SIDT2: variants seen among roughly 807,000 people sequenced by gnomAD.
SIDT2 encodes the protein SID1 transmembrane family member 2.
A neutral mutation model predicts 114.4 loss-of-function variants in SIDT2; 68 were observed. That is an observed-to-expected ratio of 0.59 (90% CI 0.49 to 0.73). The LOEUF is 0.73. SIDT2 is among the 30% of genes least tolerant of loss of function. The probability of loss-of-function intolerance (pLI) is 0.00; values close to 1 mark genes in which losing one functional copy is unlikely to be tolerated. For missense variants in SIDT2, 918 were observed against 1,097.1 expected (o/e 0.84, Z 2.31); for synonymous variants, 470 against 438.4 (o/e 1.07, Z -0.90).
Position 117,192,955 on chromosome 11 carries a change from C to G in SIDT2, c.2105+89C>G. On this transcript the variant is annotated intron_variant, in intron 22 of 25. Transcript: ENST00000324225. The surrounding 1 kb of genome is among the most constrained non-coding windows in gnomAD (Gnocchi z 5.9). ...CTGCCTTGGGGGCTAAGGACAACTTCCAAATGTTGGGCATAAGACATGGGG... is the reference window on the plus strand; with the variant it reads ...CTGCCTTGGGGGCTAAGGACAACTTGCAAATGTTGGGCATAAGACATGGGG... 6.5e-7 allele frequency: 1 copy of G among 1,544,078 alleles called. No individual in the cohort carries two copies. Among genetic ancestry groups the G allele is most frequent in the Non-Finnish European group, 9.0e-7 (1 of 1,116,408 alleles).
In SIDT2 at chr11:117,190,352, C is replaced by G. The variant is rs578026229; in HGVS notation, c.1617+63C>G. 97 of 1,517,350 alleles carry G rather than the reference C, an allele frequency of 6.4e-5. No individual in the cohort carries two copies. In the African/African-American group the frequency reaches 1.1e-3, roughly 18 times the overall value. 94.0% of individuals were successfully genotyped at this position (1,517,350 alleles called of 1,614,324 possible). A position where few individuals can be genotyped will look rare whatever the true frequency, so the allele number is the denominator to read the frequency against. ...CCAGCACAGACCTCAAGCCTTGGCTCCAGGACACCCTTTTGGGCAGGCCTG... is the reference window on the plus strand; with the variant it reads ...CCAGCACAGACCTCAAGCCTTGGCTGCAGGACACCCTTTTGGGCAGGCCTG... On this transcript the variant is annotated intron_variant, in intron 17 of 25. Coordinates refer to ENST00000324225, the MANE Select transcript of SIDT2 (RefSeq NM_001040455.2). The surrounding 1 kb of genome is among the most constrained non-coding windows in gnomAD (Gnocchi z 4.1).
Position 117,190,215 on chromosome 11 carries a change from CT to C in SIDT2, c.1547del (p.Phe516SerfsTer42). On this transcript the variant is annotated frameshift_variant, in exon 17 of 26. Coordinates refer to ENST00000324225, the MANE Select transcript of SIDT2 (RefSeq NM_001040455.2). LOFTEE classifies it high-confidence loss of function. The surrounding 1 kb of genome is among the most constrained non-coding windows in gnomAD (Gnocchi z 4.1). Reference protein sequence around the residue: ...SNLGYILLGLLFLLIILQREI... With the variant: ...SNLGYILLGLXFLLIILQREI... ...CCTGGGGTACATCCTGCTGGGGCTG[CT>C]TTTCCTGCTCATCATCCTGCAACGG... 6 of 1,581,504 alleles carry C rather than the reference CT, an allele frequency of 3.8e-6. No homozygotes were observed. Among genetic ancestry groups the C allele is most frequent in the Admixed American group, 3.6e-5 (2 of 55,802 alleles).
At chr11:117,186,312 G>C in intron 9 of SIDT2, 89 bp downstream of exon 9, 1 of 1,194,712 alleles carries the variant, frequency 8.4e-7, no homozygotes, top group Non-Finnish European at 1.2e-6. Flanking sequence ...AGCCAGCCTA[G>C]GGTAATCTAC....
rs749972217 is a variant in SIDT2, at chr11:117,192,423, C to T, written c.1981+61C>T. ...GTCTGGGGGGCCTTGGGAACCCGGACGCACGGGAGACGCTCAGGTTCTGTC... is the reference window on the plus strand; with the variant it reads ...GTCTGGGGGGCCTTGGGAACCCGGATGCACGGGAGACGCTCAGGTTCTGTC... On this transcript the variant is annotated intron_variant, in intron 20 of 25. Transcript: ENST00000324225. The surrounding 1 kb of genome is among the most constrained non-coding windows in gnomAD (Gnocchi z 5.9). 90 of 1,395,432 alleles carry T rather than the reference C, an allele frequency of 6.4e-5. 1 individual carries two copies. The highest frequency in any genetic ancestry group is 8.2e-5 in the Non-Finnish European group (81 of 988,890). The allele number at this position is 1,395,432 out of a possible 1,614,324, so 86.4% of individuals were successfully genotyped here. A position where few individuals can be genotyped will look rare whatever the true frequency, so the allele number is the denominator to read the frequency against.
intron 18 of SIDT2, chr11:117,191,308 G>C (rs1397639096): frequency 6.5e-6 from 1 of 154,168 alleles, no homozygotes; most frequent in Admixed American, 6.5e-5. Context: ...CCCTGGCTGG[G>C]CACTGTGGCT....
At position 117,186,653 on chromosome 11, in the gene SIDT2, T is replaced by C; in HGVS notation, c.1015+17T>C. ...CAGAAAGCGGTACCTCCAGGGGGCC[T>C]GGGTGGGGCGGGCACAGTGTGCTTT... On this transcript the variant is annotated intron_variant, in intron 10 of 25. Transcript: ENST00000324225. 6.9e-7 allele frequency: 1 copy of C among 1,451,944 alleles called. No individual in the cohort carries two copies. The highest frequency in any genetic ancestry group is 1.3e-5 in the South Asian group (1 of 76,740). The allele number at this position is 1,451,944 out of a possible 1,614,324, so 89.9% of individuals were successfully genotyped here.
chr11:117,189,941 T>C lies in SIDT2; in HGVS notation c.1420-11T>C. Reference sequence around the variant, plus strand: ...CGACAGACCCACTCCCTGTCCCTGCTCCTGCTACAGGTGGTGAATGTCACA... The same window carrying C: ...CGACAGACCCACTCCCTGTCCCTGCCCCTGCTACAGGTGGTGAATGTCACA... On this transcript the variant is annotated splice_polypyrimidine_tract_variant and intron_variant, in intron 15 of 25. Transcript: ENST00000324225. 1 of 1,613,882 alleles carries C rather than the reference T, an allele frequency of 6.2e-7. No homozygotes were observed. The highest frequency in any genetic ancestry group is 1.1e-5 in the South Asian group (1 of 91,076).
In SIDT2 at chr11:117,195,898, A is replaced by G. The variant is rs927740986; in HGVS notation, c.2419A>G (p.Met807Val). 6 of 1,613,994 alleles carry G rather than the reference A, an allele frequency of 3.7e-6. No individual in the cohort carries two copies. The highest frequency in any genetic ancestry group is 1.7e-5 in the Admixed American group (1 of 59,998). ...DIWHFLSSIA[M>V]FGSFLVLLTL... ...CTGGCACTTCCTCTCCTCCATCGCC[A>G]TGTTCGGGTCCTTCCTGGTAAGCGG... The change falls in exon 25 of 26, where the codon ATG becomes GTG. Residue 807 changes from methionine to valine, a missense_variant. By Grantham distance (21) the Met-to-Val change is conservative. This residue lies in a region of SIDT2 where 275 missense variants were observed against 397.6 expected (regional missense o/e 0.69). Coordinates refer to ENST00000324225, the MANE Select transcript of SIDT2 (RefSeq NM_001040455.2).
At chr11:117,179,695 C>T in intron 1 of SIDT2, 1 of 502,008 alleles carries the variant, frequency 2.0e-6, no homozygotes, top group East Asian at 3.4e-5. Flanking sequence ...CCCATTCTTC[C>T]ATCAGTTGTG....
At chr11:117,187,786 C>A in intron 12 of SIDT2, 87 bp downstream of exon 12, 1 of 1,304,310 alleles carries the variant, frequency 7.7e-7, no homozygotes, top group South Asian at 1.2e-5. Flanking sequence ...CCTCTTCTGC[C>A]AGATGCTGGA....
chr11:117,195,085 CA>C (rs55970874), intron 24 of SIDT2, among the ~76,000 whole-genome samples: 920 of 45,390 alleles, frequency 0.02, 2 homozygotes, highest in Middle Eastern at 0.074. Context: ...GACTCTGTCT[CA>C]AAAAAAAAAA....
Position 117,182,496 on chromosome 11 carries a change from T to C in SIDT2, c.517-23T>C, listed in dbSNP as rs200831587. Reference sequence around the variant, plus strand: ...AGAGCATCCTCATGAGATGGGGCTCTCCCTTCCTTCCTGCACCCTCAGTAC... The same window carrying C: ...AGAGCATCCTCATGAGATGGGGCTCCCCCTTCCTTCCTGCACCCTCAGTAC... On this transcript the variant is annotated intron_variant, in intron 4 of 25. Transcript: ENST00000324225. The C allele has an allele frequency of 2.5e-6, 4 of 1,603,386 alleles. No individual in the cohort carries two copies. The Admixed American group carries it at 6.7e-5, about 27-fold the overall frequency.
intron 15 of SIDT2, chr11:117,189,681 A>G (rs2030630611): frequency 3.3e-6 from 2 of 598,460 alleles, no homozygotes; most frequent in South Asian, 2.0e-5. Context: ...TGTAAGCATC[A>G]GTTTCCCTTC....
At position 117,188,841 on chromosome 11, in the gene SIDT2, C is replaced by T. The variant is rs2030597383; in HGVS notation, c.1278+15C>T. 6.2e-7 allele frequency: 1 copy of T among 1,606,306 alleles called. No homozygotes were observed. The highest frequency in any genetic ancestry group is 8.5e-7 in the Non-Finnish European group (1 of 1,172,904). On this transcript the variant is annotated intron_variant, in intron 13 of 25. Coordinates refer to ENST00000324225, the MANE Select transcript of SIDT2 (RefSeq NM_001040455.2). This position sits in a 1 kb window ranked among gnomAD's most constrained non-coding sequence, Gnocchi z 4.0. The stretch of plus-strand genomic sequence containing the variant: ...TTCGCACCAAGGTCTGACCCGTGGG[C>T]CTGGCCTGGTCAGGCGTTTCCTGAG...
At chr11:117,187,724 C>T (rs752886817) in intron 12 of SIDT2, 25 bp downstream of exon 12, 14 of 1,608,032 alleles carry the variant, frequency 8.7e-6, no homozygotes, top group African/African-American at 6.7e-5. Context: ...CTGGGAGGGG[C>T]GGTGTGGTGC....
chr11:117,191,867 C>T lies in SIDT2; in HGVS notation c.1736-11C>T. The T allele has an allele frequency of 6.2e-7, 1 of 1,613,324 alleles. No homozygotes were observed. Among genetic ancestry groups the T allele is most frequent in the Non-Finnish European group, 8.5e-7 (1 of 1,179,546 alleles). On this transcript the variant is annotated splice_polypyrimidine_tract_variant and intron_variant, in intron 18 of 25. Coordinates refer to ENST00000324225, the MANE Select transcript of SIDT2 (RefSeq NM_001040455.2). Reference sequence around the variant, plus strand: ...CATTTCTGCAGCTCCCTTCCGTGTCCCTCATCCTAGACACATCGTTCATGT... The same window carrying T: ...CATTTCTGCAGCTCCCTTCCGTGTCTCTCATCCTAGACACATCGTTCATGT...
chr11:117,186,810 C>G (rs2030513847), intron 10 of SIDT2, among the ~76,000 whole-genome samples, 174 bp downstream of exon 10: 1 of 152,062 alleles, frequency 6.6e-6, no homozygotes, highest in Non-Finnish European at 1.5e-5. Flanking sequence ...CCATGCATCC[C>G]TAACATGCAC....
rs957410496 is a variant in SIDT2, at chr11:117,192,011, C to T, written c.1869C>T (p.Gly623=). The change falls in exon 19 of 26, where the codon GGC becomes GGT. Residue 623 remains glycine, a synonymous_variant. Transcript: ENST00000324225. The surrounding 1 kb of genome is among the most constrained non-coding windows in gnomAD (Gnocchi z 5.9). ...TTGTCATCTTCTTCTCTGTGCTGGGCGTGGTGAGGGCCTGACCTGCTCTGC... is the reference window on the plus strand; with the variant it reads ...TTGTCATCTTCTTCTCTGTGCTGGGTGTGGTGAGGGCCTGACCTGCTCTGC... ...LAIVIFFSVL[G]VVFGKGNTAF... 5.0e-6 allele frequency: 8 copies of T among 1,613,956 alleles called. No individual in the cohort carries two copies. Among genetic ancestry groups the T allele is most frequent in the African/African-American group, 2.7e-5 (2 of 74,918 alleles).
In SIDT2 at chr11:117,192,524, G is replaced by C; in HGVS notation, c.1982-50G>C. 6.3e-7 allele frequency: 1 copy of C among 1,598,042 alleles called. No individual in the cohort carries two copies. Among genetic ancestry groups the C allele is most frequent in the Admixed American group, 1.7e-5 (1 of 60,010 alleles). ...TCAGCTGGCACATCCCAGGGGTCCA[G>C]CAAAGGAGGGTGCCCCGTGCCTGTC... On this transcript the variant is annotated intron_variant, in intron 20 of 25. Coordinates refer to ENST00000324225, the MANE Select transcript of SIDT2 (RefSeq NM_001040455.2). This position sits in a 1 kb window ranked among gnomAD's most constrained non-coding sequence, Gnocchi z 5.9.
Sources: allele counts gnomAD v4.1 joint callset (sites outside exome capture counted in the v4.1 genomes callset), GRCh38; gene constraint gnomAD v4.1.1; regional missense constraint gnomAD v4.1.1; non-coding constraint Gnocchi (gnomAD v3.1); transcripts MANE v1.5; gene names NCBI Gene and HGNC (gene_info 2026-07-23, HGNC 2026-07-21).